Variants in EPM2A observed in about 807,000 individuals in gnomAD.
The protein encoded by EPM2A is EPM2A glucan phosphatase, laforin, also known as laforin.
EPM2A carries 21 observed loss-of-function variants against 26.5 expected under a neutral mutation model. The ratio of observed to expected loss-of-function variants is 0.79; its 90% CI spans 0.56 to 1.14. EPM2A has a LOEUF of 1.14. Among genes scored for constraint, EPM2A ranks in the 50% most tolerant of loss-of-function variants. The pLI is 0.00. For missense variants in EPM2A, 458 were observed against 440.8 expected (o/e 1.04, Z -0.35); for synonymous variants, 217 against 177.6 (o/e 1.22, Z -1.76).
At chr6:145,732,407 CACACAT>C (rs747941559) in intron 1 of EPM2A, among the ~76,000 whole-genome samples, 6 of 78,872 alleles carry the variant, frequency 7.6e-5, no homozygotes, top group Admixed American at 4.7e-4. Context: ...GAAACACACA[CACACAT>C]ATATATATAT....
chr6:145,441,756 G>C (rs930778061), intron 4 of EPM2A, among the ~76,000 whole-genome samples: 2 of 152,158 alleles, frequency 1.3e-5, no homozygotes, highest in Admixed American at 1.3e-4. Context: ...CAGCTACTTG[G>C]GAGGCTGAGG....
At chr6:145,432,133 C>T (rs1296987367) in intron 4 of EPM2A, among the ~76,000 whole-genome samples, 4 of 152,298 alleles carry the variant, frequency 2.6e-5, no homozygotes, top group African/African-American at 9.6e-5. Flanking sequence ...GCTTTCTCTT[C>T]TGAAGTCAAG....
At chr6:145,656,061 T>C (rs926647670) in intron 2 of EPM2A, among the ~76,000 whole-genome samples, 2 of 152,172 alleles carry the variant, frequency 1.3e-5, no homozygotes, top group African/African-American at 4.8e-5. Context: ...TCCACTAATA[T>C]GCAAGAGTAC....
At chr6:145,677,944 G>A (rs1286004840) in intron 2 of EPM2A, among the ~76,000 whole-genome samples, 1 of 151,968 alleles carries the variant, frequency 6.6e-6, no homozygotes, top group Admixed American at 6.6e-5. Flanking sequence ...AGTTCATATG[G>A]AACCAAAAAA....
chr6:145,449,966 T>C (rs942696396), intron 4 of EPM2A, among the ~76,000 whole-genome samples: 1 of 151,452 alleles, frequency 6.6e-6, no homozygotes, highest in Non-Finnish European at 1.5e-5. Context: ...ATAAAGAAAA[T>C]GCAAATTAAA....
At chr6:145,548,021 A>G (rs765256080) in intron 2 of EPM2A, among the ~76,000 whole-genome samples, 1 of 152,028 alleles carries the variant, frequency 6.6e-6, no homozygotes, top group African/African-American at 2.4e-5. Flanking sequence ...CAAATACTCA[A>G]TTGTGTCCCC....
At chr6:145,720,364 AT>A (rs1454800733) in intron 1 of EPM2A, among the ~76,000 whole-genome samples, 3 of 152,206 alleles carry the variant, frequency 2.0e-5, no homozygotes, top group Admixed American at 2.0e-4. Context: ...TTTTACTTCC[AT>A]TTACAAGCAA....
At chr6:145,562,183 T>A (rs1412707037) in intron 2 of EPM2A, among the ~76,000 whole-genome samples, 1 of 151,012 alleles carries the variant, frequency 6.6e-6, no homozygotes, top group African/African-American at 2.4e-5. Context: ...TCAGTTCAAG[T>A]AATTAACATA....
chr6:145,668,459 G>C (rs1562466327), intron 2 of EPM2A, among the ~76,000 whole-genome samples: 1 of 152,116 alleles, frequency 6.6e-6, no homozygotes. Flanking sequence ...GACTTATATG[G>C]AATATATAAG....
chr6:145,703,984 T>A (rs1407703031), intron 1 of EPM2A, among the ~76,000 whole-genome samples: 1 of 152,214 alleles, frequency 6.6e-6, no homozygotes, highest in East Asian at 1.9e-4. Flanking sequence ...AGCTTAATTT[T>A]AAAAACATTA....
chr6:145,495,892 G>T (rs936896798), intron 4 of EPM2A, among the ~76,000 whole-genome samples: 1 of 152,174 alleles, frequency 6.6e-6, no homozygotes. Context: ...CTGCTTTATA[G>T]TGTCACTGGT....
chr6:145,697,071 G>T (rs1366769952), intron 1 of EPM2A, among the ~76,000 whole-genome samples: 1 of 151,888 alleles, frequency 6.6e-6, no homozygotes, highest in Non-Finnish European at 1.5e-5. Flanking sequence ...ATTTGTTATT[G>T]GGGGAAATTC....
At chr6:145,394,336 G>C (rs1778377375) in intron 4 of EPM2A, among the ~76,000 whole-genome samples, 1 of 152,034 alleles carries the variant, frequency 6.6e-6, no homozygotes, top group Admixed American at 6.6e-5. Context: ...TAGCTTCTCA[G>C]TTGCCACTGA....
chr6:145,714,070 G>A (rs963627072), intron 1 of EPM2A, among the ~76,000 whole-genome samples: 5 of 152,182 alleles, frequency 3.3e-5, no homozygotes, highest in African/African-American at 1.2e-4. Flanking sequence ...TTTGCCTGAG[G>A]ATAGGGAAGG....
intron 3 of EPM2A, among the ~76,000 whole-genome samples, chr6:145,633,521 T>C (rs1582929216): frequency 1.3e-5 from 2 of 152,236 alleles, no homozygotes; most frequent in African/African-American, 4.8e-5. Flanking sequence ...CTCTCCACCT[T>C]CAGGAACAAA....
At chr6:145,518,841 A>C (rs1225786625) in intron 2 of EPM2A, among the ~76,000 whole-genome samples, 2 of 152,168 alleles carry the variant, frequency 1.3e-5, no homozygotes, top group Non-Finnish European at 2.9e-5. Flanking sequence ...CATAGCCTAG[A>C]GGATGGCCAT....
intron 2 of EPM2A, among the ~76,000 whole-genome samples, chr6:145,647,651 T>C (rs906812716): frequency 4.6e-5 from 7 of 151,474 alleles, no homozygotes; most frequent in Non-Finnish European, 7.4e-5. Context: ...AGCATATAGT[T>C]ATAAGCAAAT....
chr6:145,388,557 C>T (rs1778293818), intron 4 of EPM2A, among the ~76,000 whole-genome samples: 2 of 152,240 alleles, frequency 1.3e-5, no homozygotes, highest in East Asian at 1.9e-4. Context: ...GATACATGTG[C>T]AGAACGTGCA....
At chr6:145,612,816 A>C (rs1775421007) in intron 2 of EPM2A, among the ~76,000 whole-genome samples, 1 of 151,312 alleles carries the variant, frequency 6.6e-6, no homozygotes, top group Non-Finnish European at 1.5e-5. Context: ...GCTGATAATC[A>C]TCTGACCTTC....
Sources: allele counts gnomAD v4.1 joint callset (sites outside exome capture counted in the v4.1 genomes callset), GRCh38; gene constraint gnomAD v4.1.1; transcripts MANE v1.5; gene names NCBI Gene and HGNC (gene_info 2026-07-23, HGNC 2026-07-21).